The following ITGA3 variants were observed in gnomAD, a reference collection of about 807,000 sequenced individuals.
ITGA3 encodes the protein integrin alpha-3.
ITGA3 carries 70 observed loss-of-function variants against 131.1 expected under a neutral mutation model. The observed-to-expected ratio is 0.53, with a 90% confidence interval of 0.44 to 0.65. The LOEUF (loss-of-function observed/expected upper bound fraction) is 0.65, where lower values mean the gene tolerates loss of function less well. ITGA3 is among the 30% of genes least tolerant of loss of function. The probability of loss-of-function intolerance (pLI) is 0.00; values close to 1 mark genes in which losing one functional copy is unlikely to be tolerated. For missense variants in ITGA3, 1,098 were observed against 1,388.6 expected, an observed-to-expected ratio of 0.79 and a Z score of 3.33; for synonymous variants, 537 against 571.6, an observed-to-expected ratio of 0.94 and a Z score of 0.86.
chr17:50,064,231 G>A lies in ITGA3; in HGVS notation c.334+27G>A, dbSNP rs752397588. On this transcript the variant is annotated intron_variant, in intron 2 of 25. Transcript: ENST00000320031. This position sits in a 1 kb window ranked among gnomAD's most constrained non-coding sequence, Gnocchi z 4.4. ...TGAGGGGAAGGGGCTGGGGAGGGGT[G>A]CTGGGTCAGAGGTCTGGCAGGGGGG... 1 of 1,592,202 alleles carries A rather than the reference G, an allele frequency of 6.3e-7. No individual in the cohort carries two copies. The highest frequency in any genetic ancestry group is 1.7e-5 in the Admixed American group (1 of 57,628).
At position 50,087,819 on chromosome 17, in the gene ITGA3, G is replaced by C; in HGVS notation, c.2995G>C (p.Val999Leu). ...CGAGCTGTGGCTGGTGCTGGTGGCC[G>C]TGGGTGCAGGGCTGCTGCTGCTGGG... is the stretch of plus-strand genomic sequence containing the variant. ...EIELWLVLVA[V>L]GAGLLLLGLI... Residue 999 changes from valine (V) to leucine (L), a missense_variant, in exon 24 of 26, where the codon GTG becomes CTG. Physicochemically the swap from Val to Leu is conservative, Grantham distance 32. Coordinates refer to ENST00000320031, the MANE Select transcript of ITGA3 (RefSeq NM_002204.4). The C allele has an allele frequency of 6.2e-7, 1 of 1,611,556 alleles. No individual in the cohort carries two copies. The highest frequency in any genetic ancestry group is 1.7e-5 in the Admixed American group (1 of 59,774).
intron 23 of ITGA3, among the ~76,000 whole-genome samples, chr17:50,084,297 T>C (rs1317686777): frequency 6.7e-6 from 1 of 148,168 alleles, no homozygotes. Context: ...AGAGAAATGC[T>C]ATTGATTTGG....
chr17:50,087,625 G>A, intron 23 of ITGA3, 119 bp from the exon 24 acceptor site: 1 of 1,169,566 alleles, frequency 8.6e-7, no homozygotes, highest in Non-Finnish European at 1.2e-6. Flanking sequence ...TCCAGTCCCA[G>A]GCTGCCCCCT....
chr17:50,075,061 A>G (rs1314770404), intron 10 of ITGA3, among the ~76,000 whole-genome samples: 7 of 152,230 alleles, frequency 4.6e-5, no homozygotes, highest in African/African-American at 1.4e-4. Context: ...GATGACCCCA[A>G]GGTCTTTAAG....
Position 50,077,049 on chromosome 17 carries a change from C to T in ITGA3, c.1998C>T (p.Ser666=), listed in dbSNP as rs1186953687. Residue 666 remains serine, a synonymous_variant, in exon 15 of 26, where the codon TCC becomes TCT. Coordinates refer to ENST00000320031, the MANE Select transcript of ITGA3 (RefSeq NM_002204.4). ...NVTNTRTSER[S]GEDAHEALLT... is the part of the protein sequence containing the mutation. The stretch of plus-strand genomic sequence containing the variant: ...CGAACACCCGGACCTCGGAGCGCTC[C>T]GGGGAGGACGCCCACGAGGCGCTGC... The T allele has an allele frequency of 3.1e-6, 5 of 1,607,114 alleles. 1 individual carries two copies. The South Asian group carries it at 4.4e-5, about 14-fold the overall frequency.
intron 23 of ITGA3, among the ~76,000 whole-genome samples, chr17:50,082,860 C>T (rs1738835495): frequency 7.9e-6 from 1 of 125,894 alleles, no homozygotes; most frequent in South Asian, 2.2e-4. Context: ...GTCAGATCTT[C>T]CACCCAAATT....
In ITGA3 at chr17:50,088,350, G is replaced by A. The variant is rs1046136111; in HGVS notation, c.*15G>A. ...ACGACTACTGAGGGGGCAGCCCCCC[G>A]CCCCCGGCCCACCTGGGTAACACGG... On this transcript the variant is annotated 3_prime_UTR_variant, in exon 25 of 26. Coordinates refer to ENST00000320031, the MANE Select transcript of ITGA3 (RefSeq NM_002204.4). 22 of 1,551,234 alleles carry A rather than the reference G, an allele frequency of 1.4e-5. No homozygotes were observed. Among genetic ancestry groups the A allele is most frequent in the African/African-American group, 1.1e-4 (8 of 73,310 alleles).
At chr17:50,071,871 C>T (rs192906815) in intron 6 of ITGA3, 115 bp from the exon 7 acceptor site, 21 of 888,858 alleles carry the variant, frequency 2.4e-5, no homozygotes, top group Middle Eastern at 2.3e-4. Context: ...GACCTGTGGC[C>T]GGAAGAGCCA....
At position 50,075,465 on chromosome 17, in the gene ITGA3, A is replaced by G. The variant is rs764778431; in HGVS notation, c.1476A>G (p.Gln492=). The change falls in exon 11 of 26, where the codon CAA becomes CAG. Residue 492 remains glutamine (Q), a synonymous_variant. Coordinates refer to ENST00000320031, the MANE Select transcript of ITGA3 (RefSeq NM_002204.4). ...CTGTACATCCCTCCAACAGTGTGCAAGTGGAGCTGTGCTTTGCTTACAACC... is the reference window on the plus strand; with the variant it reads ...CTGTACATCCCTCCAACAGTGTGCAGGTGGAGCTGTGCTTTGCTTACAACC... ...PALCTATSCV[Q]VELCFAYNQS... is the part of the protein sequence containing the mutation. 1.2e-6 allele frequency: 2 copies of G among 1,614,134 alleles called. No homozygotes were observed. The highest frequency in any genetic ancestry group is 1.7e-5 in the Admixed American group (1 of 60,010).
intron 4 of ITGA3, 93 bp downstream of exon 4, chr17:50,068,398 C>A: frequency 7.1e-7 from 1 of 1,404,902 alleles, no homozygotes; most frequent in Non-Finnish European, 9.7e-7. Context: ...ACCATCCACA[C>A]TAGAAACAGG....
chr17:50,057,644 C>T (rs1907891678), intron 1 of ITGA3, among the ~76,000 whole-genome samples: 1 of 152,204 alleles, frequency 6.6e-6, no homozygotes, highest in African/African-American at 2.4e-5. Flanking sequence ...TAAGCAGGTA[C>T]CATCCACCAC....
intron 25 of ITGA3, 108 bp downstream of exon 25, chr17:50,088,474 T>A: frequency 1.6e-6 from 1 of 613,934 alleles, no homozygotes; most frequent in Non-Finnish European, 2.9e-6. Flanking sequence ...CCTCATTCTG[T>A]CCCCACCACC....
intron 20 of ITGA3, 81 bp from the exon 21 acceptor site, chr17:50,079,354 C>T: frequency 6.4e-7 from 1 of 1,552,254 alleles, no homozygotes; most frequent in Non-Finnish European, 8.7e-7. Flanking sequence ...GGCAAGCTGT[C>T]TCTCCTACCC....
Position 50,078,257 on chromosome 17 carries a change from A to T in ITGA3, c.2270A>T (p.Asp757Val). 1.2e-6 allele frequency: 2 copies of T among 1,613,862 alleles called. No individual in the cohort carries two copies. The highest frequency in any genetic ancestry group is 1.3e-5 in the African/African-American group (1 of 74,954). The change falls in exon 18 of 26, where the codon GAC becomes GTC. Residue 757 changes from aspartate (D) to valine (V), a missense_variant. Physicochemically the swap from Asp to Val is radical, Grantham distance 152. This residue lies in a region of ITGA3 where 699 missense variants were observed against 829.2 expected (regional missense o/e 0.84). Transcript: ENST00000320031. The stretch of plus-strand genomic sequence containing the variant: ...CCCATGATCCTCACTCTGCTGGTGG[A>T]CTATACACTCCAGACCTCGCTTAGC... ...LWPMILTLLV[D>V]YTLQTSLSMV...
intron 23 of ITGA3, chr17:50,087,383 C>A (rs2144323259): frequency 1.0e-5 from 2 of 196,370 alleles, no homozygotes; most frequent in African/African-American, 2.3e-5. Flanking sequence ...TCATTATGAT[C>A]CCCCTCATCA....
rs967488958 is a variant in ITGA3 at position 50,056,467 on chromosome 17, C to T, written c.28C>T (p.Arg10Cys). 12 of 1,538,088 alleles carry T rather than the reference C, an allele frequency of 7.8e-6. No homozygotes were observed. Among genetic ancestry groups the T allele is most frequent in the African/African-American group, 1.4e-5 (1 of 71,574 alleles). The change falls in exon 1 of 26, where the codon CGC becomes TGC. Residue 10 changes from arginine to cysteine, a missense_variant. By Grantham distance (180) the Arg-to-Cys change is radical. Around this residue, in one of 3 missense-constraint regions of ITGA3, gnomAD observed 43 missense variants for 30.3 expected, o/e 1.42. Transcript: ENST00000320031. The surrounding 1 kb of genome is among the most constrained non-coding windows in gnomAD (Gnocchi z 5.6). ...GGGCCCCGGCCCCAGCCGCGCGCCC[C>T]GCGCCCCACGCCTGATGCTCTGTGC... MGPGPSRAP[R>C]APRLMLCALA...
At chr17:50,073,314 G>A (rs1289111274) in intron 7 of ITGA3, among the ~76,000 whole-genome samples, 2 of 152,178 alleles carry the variant, frequency 1.3e-5, no homozygotes, top group Non-Finnish European at 2.9e-5. Context: ...CTGTGAGACA[G>A]CCCTGGGCTC....
chr17:50,074,481 C>T lies in ITGA3; in HGVS notation c.1416C>T (p.Thr472=), dbSNP rs1459886388. 1 of 1,614,110 alleles carries T rather than the reference C, an allele frequency of 6.2e-7. No homozygotes were observed. The highest frequency in any genetic ancestry group is 8.5e-7 in the Non-Finnish European group (1 of 1,180,016). ...CCGTCATCAACATCGTCCACAAGAC[C>T]TTGGTGCCCAGGCCAGCTGTGCTGG... ...ARPVINIVHK[T]LVPRPAVLDP... is the part of the protein sequence containing the mutation. The change falls in exon 10 of 26, where the codon ACC becomes ACT. Residue 472 remains threonine, a synonymous_variant. Transcript: ENST00000320031.
chr17:50,072,860 A>G (rs951481019), intron 7 of ITGA3, among the ~76,000 whole-genome samples: 2 of 152,040 alleles, frequency 1.3e-5, no homozygotes, highest in African/African-American at 4.8e-5. Flanking sequence ...TTGGGGACCA[A>G]TCGGACCTGG....
Sources: gnomAD v4.1 joint callset for allele counts (sites outside exome capture counted in the v4.1 genomes callset) on GRCh38, gnomAD v4.1.1 for gene constraint, gnomAD v4.1.1 regional missense constraint, Gnocchi (gnomAD v3.1) non-coding constraint, MANE v1.5 for transcripts, NCBI Gene and HGNC (gene_info 2026-07-23, HGNC 2026-07-21) for gene names.